CADM1: variants seen among roughly 807,000 people sequenced by gnomAD.
CADM1 encodes the protein cell adhesion molecule 1.
Under a neutral mutation model 53.1 loss-of-function variants are expected in CADM1, and 15 were observed. The ratio of observed to expected loss-of-function variants is 0.28; its 90% CI spans 0.19 to 0.44. The LOEUF (loss-of-function observed/expected upper bound fraction) is 0.44. CADM1 is among the 20% of genes least tolerant of loss of function. The probability of loss-of-function intolerance (pLI) is 1.00; values close to 1 mark genes in which losing one functional copy is unlikely to be tolerated. For missense variants in CADM1, 434 were observed against 611.3 expected (o/e 0.71, Z 3.06); for synonymous variants, 281 against 243.0 (o/e 1.16, Z -1.45).
chr11:115,479,553 G>A (rs1046213040), intron 1 of CADM1, among the ~76,000 whole-genome samples: 2 of 152,164 alleles, frequency 1.3e-5, no homozygotes, highest in African/African-American at 4.8e-5. Flanking sequence ...TTTGGAGTCT[G>A]ATTTCCAATA....
At chr11:115,393,068 A>G (rs1355980467) in intron 1 of CADM1, among the ~76,000 whole-genome samples, 1 of 127,088 alleles carries the variant, frequency 7.9e-6, no homozygotes, top group Non-Finnish European at 1.6e-5. Flanking sequence ...ATCTCTTCCA[A>G]AAAAAAAAAA....
Position 115,175,877 on chromosome 11 carries a change from C to T in CADM1, c.*597G>A, listed in dbSNP as rs189748021. On this transcript the variant is annotated 3_prime_UTR_variant, in exon 12 of 12. Transcript: ENST00000331581. Reference sequence around the variant, plus strand: ...AAAGAGTTTTCATTGTTTGTTCACCCAAATCTTTACGACAACAGAGAAGAA... The same window carrying T: ...AAAGAGTTTTCATTGTTTGTTCACCTAAATCTTTACGACAACAGAGAAGAA... The T allele has an allele frequency of 1.0e-6, 1 of 993,882 alleles. No homozygotes were observed. The highest frequency in any genetic ancestry group is 1.1e-4 in the East Asian group (1 of 9,084). The allele number at this position is 993,882 out of a possible 1,614,324, so 61.6% of individuals were successfully genotyped here.
At chr11:115,296,237 G>A (rs938171209) in intron 1 of CADM1, among the ~76,000 whole-genome samples, 9 of 152,154 alleles carry the variant, frequency 5.9e-5, no homozygotes, top group South Asian at 2.1e-4. Context: ...AGGCATGAAC[G>A]ACTGTGCCTG....
intron 1 of CADM1, among the ~76,000 whole-genome samples, chr11:115,444,919 A>G (rs1031069383): frequency 1.5e-4 from 23 of 152,170 alleles, no homozygotes; most frequent in African/African-American, 5.3e-4. Context: ...TTGCTGTGAC[A>G]TATTTGCAGG....
At chr11:115,323,625 A>C (rs1207681342) in intron 1 of CADM1, among the ~76,000 whole-genome samples, 1 of 152,208 alleles carries the variant, frequency 6.6e-6, no homozygotes, top group Non-Finnish European at 1.5e-5. Flanking sequence ...AGAAGAATAA[A>C]GCACAGATTC....
At chr11:115,357,783 A>C (rs1261272406) in intron 1 of CADM1, among the ~76,000 whole-genome samples, 1 of 148,652 alleles carries the variant, frequency 6.7e-6, no homozygotes, top group African/African-American at 2.4e-5. Context: ...GTATTAAACT[A>C]TGTTTAATAT....
chr11:115,297,852 C>T (rs1944119260), intron 1 of CADM1, among the ~76,000 whole-genome samples: 1 of 152,158 alleles, frequency 6.6e-6, no homozygotes, highest in African/African-American at 2.4e-5. Flanking sequence ...ATAACTAACT[C>T]TTGGTTATGT....
rs535535203 is a variant in CADM1, at chr11:115,480,351, A to G, written c.124+23920T>C. ...AATAATCCTTATCAAGGAGGTAGCA[A>G]GGGAACAACAAAGAAAACCCTGAGC... On this transcript the variant is annotated intron_variant, in intron 1 of 11. Transcript: ENST00000331581. Among the ~76,000 whole-genome samples the G allele has an allele frequency of 3.3e-5, 5 of 152,286 alleles. No individual in the cohort carries two copies. The East Asian group carries it at 5.8e-4, about 18-fold the overall frequency.
At chr11:115,404,066 C>CACT in intron 1 of CADM1, among the ~76,000 whole-genome samples, 1 of 150,494 alleles carries the variant, frequency 6.6e-6, no homozygotes, top group East Asian at 2.0e-4. Context: ...TTGCTCACGC[C>CACT]TGTAATCCCA....
intron 1 of CADM1, among the ~76,000 whole-genome samples, chr11:115,396,299 A>C (rs972235445): frequency 6.6e-6 from 1 of 152,216 alleles, no homozygotes; most frequent in Non-Finnish European, 1.5e-5. Flanking sequence ...GTCCTTTACA[A>C]GAAAACCAGA....
chr11:115,261,092 G>C (rs1565330757), intron 1 of CADM1, among the ~76,000 whole-genome samples: 2 of 152,128 alleles, frequency 1.3e-5, no homozygotes, highest in African/African-American at 2.4e-5. Flanking sequence ...CTTACAAGCT[G>C]TAAGAGAGCC....
intron 1 of CADM1, among the ~76,000 whole-genome samples, chr11:115,264,466 G>T (rs746518533): frequency 2.6e-5 from 4 of 152,174 alleles, no homozygotes; most frequent in Non-Finnish European, 5.9e-5. Context: ...GTCATCTATT[G>T]TAGCAACCAA....
chr11:115,415,447 T>G (rs1313852769), intron 1 of CADM1, among the ~76,000 whole-genome samples: 1 of 151,980 alleles, frequency 6.6e-6, no homozygotes, highest in African/African-American at 2.4e-5. Context: ...TCTGCTTGAG[T>G]TACAAGTTTT....
chr11:115,312,124 G>A (rs1490171345), intron 1 of CADM1, among the ~76,000 whole-genome samples: 1 of 152,146 alleles, frequency 6.6e-6, no homozygotes, highest in Non-Finnish European at 1.5e-5. Flanking sequence ...ACAGAACAAT[G>A]TGACAGTGTA....
chr11:115,502,755 A>G (rs943025522), intron 1 of CADM1, among the ~76,000 whole-genome samples: 3 of 151,818 alleles, frequency 2.0e-5, no homozygotes, highest in African/African-American at 7.3e-5. Context: ...CCCAAATCTC[A>G]AGCTAGCACC....
intron 1 of CADM1, among the ~76,000 whole-genome samples, chr11:115,320,488 T>C (rs1039610498): frequency 6.6e-6 from 1 of 152,170 alleles, no homozygotes; most frequent in African/African-American, 2.4e-5. Flanking sequence ...TCTTGAATAA[T>C]TTATAGGATA....
At chr11:115,313,671 G>C (rs370325856) in intron 1 of CADM1, among the ~76,000 whole-genome samples, 1 of 152,104 alleles carries the variant, frequency 6.6e-6, no homozygotes, top group Non-Finnish European at 1.5e-5. Context: ...GCATTTCCTG[G>C]TCTTCCCTGA....
At chr11:115,346,070 G>A (rs55807939) in intron 1 of CADM1, among the ~76,000 whole-genome samples, 1,962 of 149,204 alleles carry the variant, frequency 0.013, 35 homozygotes, top group Middle Eastern at 0.041. Context: ...TTCTGCTCAC[G>A]TGAATCATAT....
intron 1 of CADM1, among the ~76,000 whole-genome samples, chr11:115,281,022 C>A (rs1205968512): frequency 6.6e-6 from 1 of 152,304 alleles, no homozygotes; most frequent in Middle Eastern, 3.4e-3. Flanking sequence ...AGGGCTATGG[C>A]CCCTCTGGCC....
Sources: gnomAD v4.1 joint callset for allele counts (sites outside exome capture counted in the v4.1 genomes callset) on GRCh38, gnomAD v4.1.1 for gene constraint, MANE v1.5 for transcripts, NCBI Gene and HGNC (gene_info 2026-07-23, HGNC 2026-07-21) for gene names.